GALNT5: variants seen among roughly 807,000 people sequenced by gnomAD.
GALNT5 encodes UDP-GalNAc:polypeptide N-acetylgalactosaminyltransferase 5.
Under a neutral mutation model 85.4 loss-of-function variants are expected in GALNT5, and 72 were observed. The ratio of observed to expected loss-of-function variants is 0.84; its 90% CI spans 0.70 to 1.03. The LOEUF (loss-of-function observed/expected upper bound fraction) is 1.03. GALNT5 is among the 50% of genes least tolerant of loss of function. GALNT5 has a pLI of 0.00. For missense variants in GALNT5, 1,137 were observed against 1,135.5 expected (o/e 1.00, Z -0.02); for synonymous variants, 404 against 397.0 (o/e 1.02, Z -0.21).
intron 1 of GALNT5, among the ~76,000 whole-genome samples, chr2:157,278,182 G>A (rs186471818): frequency 2.6e-4 from 40 of 152,288 alleles, no homozygotes; most frequent in African/African-American, 3.8e-4. Flanking sequence ...AGTTTCTGCC[G>A]AGAGATCCAC....
chr2:157,258,470 GCA>G lies in GALNT5; in HGVS notation c.391_392del (p.His131SerfsTer9). The part of the protein sequence containing the change: ...RGKVVPLWHP[A>X]HLQTLPVTPN... ...CAAGGTTGTGCCGTTGTGGCATCCT[GCA>G]CATCTGCAGACCCTCCCTGTGACTC... On this transcript the variant is annotated frameshift_variant, in exon 1 of 10. Transcript: ENST00000259056. LOFTEE classifies it high-confidence loss of function. The G allele has an allele frequency of 6.2e-7, 1 of 1,605,860 alleles. No homozygotes were observed. The highest frequency in any genetic ancestry group is 1.7e-4 in the Middle Eastern group (1 of 5,994).
In GALNT5 at chr2:157,300,891, C is replaced by T; in HGVS notation, c.2331C>T (p.Leu777=). ...LIDQGLDVGN[L]TQQRELRKKL... The stretch of plus-strand genomic sequence containing the variant: ...ACCAAGGGCTAGATGTTGGCAACCT[C>T]ACCCAGCAAAGGGAGCTGCGAAAGA... Residue 777 remains leucine (L), a synonymous_variant, in exon 7 of 10, where the codon CTC becomes CTT. Transcript: ENST00000259056. The T allele has an allele frequency of 6.2e-7, 1 of 1,613,860 alleles. No homozygotes were observed. The highest frequency in any genetic ancestry group is 1.3e-5 in the African/African-American group (1 of 75,046).
rs904647133 is a variant in GALNT5, at chr2:157,315,502, C to T, written c.*4154C>T. On this transcript the variant is annotated 3_prime_UTR_variant, in exon 10 of 10. Transcript: ENST00000259056. Reference sequence around the variant, plus strand: ...TCTTGGTCTCAGATTACTGATGCCACAGTATTGAGATGAGATTGAATTAAA... The same window carrying T: ...TCTTGGTCTCAGATTACTGATGCCATAGTATTGAGATGAGATTGAATTAAA... Among the ~76,000 whole-genome samples, 4 of 152,088 alleles carry T rather than the reference C, an allele frequency of 2.6e-5. No individual in the cohort carries two copies. The highest frequency in any genetic ancestry group is 9.7e-5 in the African/African-American group (4 of 41,408).
At chr2:157,270,952 A>G (rs1039338671) in intron 1 of GALNT5, among the ~76,000 whole-genome samples, 4 of 152,204 alleles carry the variant, frequency 2.6e-5, no homozygotes, top group Admixed American at 1.3e-4. Flanking sequence ...CGTCTCTACT[A>G]AAAATACACA....
intron 1 of GALNT5, among the ~76,000 whole-genome samples, chr2:157,277,501 C>G (rs1682758888): frequency 1.3e-5 from 2 of 152,136 alleles, no homozygotes. Flanking sequence ...AATCTGGGTG[C>G]TCCTGTATTG....
chr2:157,300,425 T>C (rs1683316136), intron 6 of GALNT5, among the ~76,000 whole-genome samples: 1 of 152,160 alleles, frequency 6.6e-6, no homozygotes, highest in African/African-American at 2.4e-5. Context: ...TGAAGATTTA[T>C]TTACAAATTA....
chr2:157,311,184 T>G, intron 9 of GALNT5, 24 bp from the exon 10 acceptor site: 2 of 1,594,458 alleles, frequency 1.3e-6, no homozygotes, highest in Non-Finnish European at 1.7e-6. Context: ...CTGTGGCTCA[T>G]TCCCAGCTCT....
intron 1 of GALNT5, among the ~76,000 whole-genome samples, chr2:157,275,458 A>G (rs1351897617): frequency 6.6e-6 from 1 of 152,206 alleles, no homozygotes; most frequent in Non-Finnish European, 1.5e-5. Context: ...CTTCCTATCC[A>G]TGAGCATGGA....
intron 6 of GALNT5, 128 bp from the exon 7 acceptor site, chr2:157,300,548 C>A: frequency 1.5e-6 from 1 of 682,818 alleles, no homozygotes; most frequent in Non-Finnish European, 2.5e-6. Flanking sequence ...TTTTCTATTG[C>A]AAAAGTGTTT....
intron 1 of GALNT5, among the ~76,000 whole-genome samples, chr2:157,279,906 C>T (rs991883878): frequency 7.9e-5 from 12 of 152,166 alleles, no homozygotes; most frequent in Non-Finnish European, 2.9e-5. Context: ...GTGTCAATCA[C>T]GCTGGGAGCT....
chr2:157,269,983 AT>A (rs1386072112), intron 1 of GALNT5, among the ~76,000 whole-genome samples: 1 of 152,014 alleles, frequency 6.6e-6, no homozygotes, highest in Non-Finnish European at 1.5e-5. Context: ...ACCAAATACC[AT>A]TAAAAAAAAT....
rs1574040847 is a variant in GALNT5 at position 157,314,735 on chromosome 2, T to G, written c.*3387T>G. Among the ~76,000 whole-genome samples, 1 of 152,292 alleles carries G rather than the reference T, an allele frequency of 6.6e-6. No individual in the cohort carries two copies. The highest frequency in any genetic ancestry group is 3.4e-3 in the Middle Eastern group (1 of 294). On this transcript the variant is annotated 3_prime_UTR_variant, in exon 10 of 10. Coordinates refer to ENST00000259056, the MANE Select transcript of GALNT5 (RefSeq NM_014568.3). ...TTGAAACATGCCAGAGAGTACCATC[T>G]TTCTTTGTTTTAACATCTCTGATTG...
Position 157,258,248 on chromosome 2 carries a change from G to T in GALNT5, c.166G>T (p.Gly56Ter). The change falls in exon 1 of 10, where the codon GGA becomes TGA. Residue 56 changes from glycine to a stop codon, truncating the protein, a stop_gained. Transcript: ENST00000259056. LOFTEE classifies it high-confidence loss of function. Reference protein sequence around the residue: ...KEDIVRRERIGFRVQPDQGKI... With the variant: ...KEDIVRRERI ...AGACATTGTGAGGAGGGAGCGGATA[G>T]GATTCAGAGTTCAGCCAGACCAAGG... 1 of 1,611,864 alleles carries T rather than the reference G, an allele frequency of 6.2e-7. No homozygotes were observed. Among genetic ancestry groups the T allele is most frequent in the African/African-American group, 1.3e-5 (1 of 74,808 alleles).
intron 1 of GALNT5, among the ~76,000 whole-genome samples, chr2:157,283,836 T>C (rs1402131956): frequency 6.6e-6 from 1 of 152,178 alleles, no homozygotes; most frequent in African/African-American, 2.4e-5. Context: ...CTCTATTGAA[T>C]AAGAACCATT....
At position 157,266,447 on chromosome 2, in the gene GALNT5, T is replaced by G. The variant is rs539442097; in HGVS notation, c.1454+6911T>G. Among the ~76,000 whole-genome samples, 7 of 152,284 alleles carry G rather than the reference T, an allele frequency of 4.6e-5. No individual in the cohort carries two copies. The East Asian group carries it at 1.3e-3, about 29-fold the overall frequency. ...TGACCATCATCACCTGCAAGTCTCC[T>G]TAGCTTGCCAAGGCCCTGTGCTAAA... is the stretch of plus-strand genomic sequence containing the variant. On this transcript the variant is annotated intron_variant, in intron 1 of 9. Transcript: ENST00000259056.
Position 157,258,796 on chromosome 2 carries a change from G to A in GALNT5, c.714G>A (p.Arg238=). ...GATCACAGGCAGTAGCAAACGAGAG[G>A]GCACACCCTGCCAGCACAGCAGTGC... ...KQRSQAVANE[R]AHPASTAVPK... is the part of the protein sequence containing the mutation. Residue 238 remains arginine, a synonymous_variant, in exon 1 of 10, where the codon AGG becomes AGA. Coordinates refer to ENST00000259056, the MANE Select transcript of GALNT5 (RefSeq NM_014568.3). 1.9e-6 allele frequency: 3 copies of A among 1,604,024 alleles called. No homozygotes were observed. The highest frequency in any genetic ancestry group is 2.7e-5 in the African/African-American group (2 of 74,872).
At chr2:157,285,508 C>T (rs568041747) in intron 2 of GALNT5, among the ~76,000 whole-genome samples, 8 of 152,252 alleles carry the variant, frequency 5.3e-5, no homozygotes, top group East Asian at 1.9e-4. Context: ...ATAAAGCCCC[C>T]GGAAAACTGT....
intron 2 of GALNT5, among the ~76,000 whole-genome samples, chr2:157,284,665 C>T (rs1459935184): frequency 2.0e-5 from 3 of 152,202 alleles, no homozygotes; most frequent in Middle Eastern, 3.2e-3. Context: ...TCAGTTGTAA[C>T]TCTGCTACCA....
intron 7 of GALNT5, chr2:157,302,736 T>C (rs1683369297): frequency 6.6e-6 from 1 of 152,210 alleles, no homozygotes; most frequent in South Asian, 2.1e-4. Flanking sequence ...TGAGTTCCTA[T>C]GAAATTTCTG....
Sources: allele counts gnomAD v4.1 joint callset (sites outside exome capture counted in the v4.1 genomes callset), GRCh38; gene constraint gnomAD v4.1.1; transcripts MANE v1.5; gene names NCBI Gene and HGNC (gene_info 2026-07-23, HGNC 2026-07-21).